ZNF790: variants seen among roughly 807,000 people sequenced by gnomAD.
The protein encoded by ZNF790 is zinc finger protein 790.
In ZNF790, 8 loss-of-function variants were observed where a neutral mutation model predicts 12.1. The ratio of observed to expected loss-of-function variants is 0.66; its 90% CI spans 0.39 to 1.19. The LOEUF (loss-of-function observed/expected upper bound fraction) is 1.19, where lower values mean the gene tolerates loss of function less well. Among genes scored for constraint, ZNF790 ranks in the 50% most tolerant of loss-of-function variants. The pLI is 0.01. For synonymous variants in ZNF790, 252 were observed against 244.3 expected, an observed-to-expected ratio of 1.03 and a Z score of -0.29; for missense variants, 707 against 752.2, an observed-to-expected ratio of 0.94 and a Z score of 0.70.
At chr19:36,823,904 A>G in intron 2 of ZNF790, 114 bp from the exon 3 acceptor site, 1 of 911,430 alleles carries the variant, frequency 1.1e-6, no homozygotes, top group African/African-American at 1.7e-5. Flanking sequence ...TGGGGCATAT[A>G]TTGGGCGAAA....
Position 36,819,476 on chromosome 19 carries a change from C to G in ZNF790, c.868G>C (p.Ala290Pro). Residue 290 changes from alanine (A) to proline (P), a missense_variant, in exon 5 of 5, where the codon GCC becomes CCC. By Grantham distance (27) the Ala-to-Pro change is conservative. Transcript: ENST00000356725. ...GTAAGATCTGAGCCACAACTAAAGG[C>G]CTTCCCACATTCCTTACATTCATAA... is the stretch of plus-strand genomic sequence containing the variant. ...KSYECKECGKAFSCGSDLTRH... is the reference protein window; with the variant it reads ...KSYECKECGKPFSCGSDLTRH... 1.9e-6 allele frequency: 3 copies of G among 1,609,632 alleles called. No homozygotes were observed. Among genetic ancestry groups the G allele is most frequent in the Middle Eastern group, 3.3e-4 (2 of 6,042 alleles).
chr19:36,818,449 A>C lies in ZNF790; in HGVS notation c.1895T>G (p.Phe632Cys), dbSNP rs1299675414. Residue 632 changes from phenylalanine to cysteine, a missense_variant, in exon 5 of 5, where the codon TTC (phenylalanine) becomes TGC (cysteine). Physicochemically the swap from Phe to Cys is radical, Grantham distance 205. Coordinates refer to ENST00000356725, the MANE Select transcript of ZNF790 (RefSeq NM_206894.4). ...TATAATATTTCACAAGAGTGAAATG[A>C]AGTGAGAGCTTGAAGAAAATGCTTT... The part of the protein sequence containing the change: ...FEKAFSSSSH[F>C]ISLL 6 of 1,552,928 alleles carry C rather than the reference A, an allele frequency of 3.9e-6. No individual in the cohort carries two copies. The African/African-American group carries it at 5.5e-5, about 14-fold the overall frequency.
chr19:36,819,828 A>G lies in ZNF790; in HGVS notation c.516T>C (p.Phe172=). 1 of 1,613,680 alleles carries G rather than the reference A, an allele frequency of 6.2e-7. No homozygotes were observed. The highest frequency in any genetic ancestry group is 8.5e-7 in the Non-Finnish European group (1 of 1,179,734). Residue 172 remains phenylalanine, a synonymous_variant, in exon 5 of 5, where the codon TTT becomes TTC. Transcript: ENST00000356725. ...RLNTGDKLNE[F]KELGKAFISG... is the part of the protein sequence containing the mutation. ...AAATAAAGGCTTTCCCCAGTTCTTT[A>G]AATTCATTCAGTTTGTCTCCTGTAT... is the stretch of plus-strand genomic sequence containing the variant.
At chr19:36,844,550 C>T (rs577223729) in intron 1 of ZNF790, among the ~76,000 whole-genome samples, 1 of 151,866 alleles carries the variant, frequency 6.6e-6, no homozygotes, top group Admixed American at 6.6e-5. Flanking sequence ...GGAGAAGAAC[C>T]CTATTTGAAG....
chr19:36,819,578 A>G lies in ZNF790; in HGVS notation c.766T>C (p.Cys256Arg). ...CTAAAGGCTTTCCCACAATCCTTAC[A>G]TTTAAAAGGTTTCTCACCGGTATGA... ...RIHTGEKPFK[C>R]KDCGKAFRFH... Residue 256 changes from cysteine (C) to arginine (R), a missense_variant, in exon 5 of 5, where the codon TGT becomes CGT. Physicochemically the swap from Cys to Arg is radical, Grantham distance 180. Coordinates refer to ENST00000356725, the MANE Select transcript of ZNF790 (RefSeq NM_206894.4). 1 of 1,611,044 alleles carries G rather than the reference A, an allele frequency of 6.2e-7. No homozygotes were observed. The highest frequency in any genetic ancestry group is 1.1e-5 in the South Asian group (1 of 90,954).
intron 1 of ZNF790, among the ~76,000 whole-genome samples, chr19:36,829,678 C>T (rs2071907168): frequency 1.3e-5 from 2 of 152,214 alleles, no homozygotes; most frequent in Non-Finnish European, 2.9e-5. Flanking sequence ...AGTGACTCTC[C>T]TGCCTCAGCC....
In ZNF790 at chr19:36,823,367, A is replaced by G. The variant is rs1174309104; in HGVS notation, c.147T>C (p.Tyr49=). The change falls in exon 4 of 5, where the codon TAT becomes TAC. Residue 49 remains tyrosine, a synonymous_variant. Transcript: ENST00000356725. ...SNMVSLGFCI[Y]QPEAFSLLEK... is the part of the protein sequence containing the mutation. ...CCAATAAAGAGAACGCTTCTGGCTG[A>G]TAAATGCAAAAACCTGCCCAGAAGA... 6.2e-7 allele frequency: 1 copy of G among 1,614,058 alleles called. No homozygotes were observed. Among genetic ancestry groups the G allele is most frequent in the South Asian group, 1.1e-5 (1 of 91,064 alleles).
intron 1 of ZNF790, among the ~76,000 whole-genome samples, chr19:36,826,283 C>A (rs1168559355): frequency 1.3e-5 from 2 of 151,874 alleles, no homozygotes; most frequent in Non-Finnish European, 2.9e-5. Flanking sequence ...GAAGCACGAA[C>A]TTTTATTAAA....
chr19:36,841,793 G>A (rs2072131506), upstream of ZNF790, among the ~76,000 whole-genome samples: 5 of 138,296 alleles, frequency 3.6e-5, no homozygotes, highest in Admixed American at 8.0e-5. Context: ...AAGTTGCAGT[G>A]AGCCGAGATC....
intron 1 of ZNF790, among the ~76,000 whole-genome samples, chr19:36,827,111 T>TACACAC (rs1163360749): frequency 3.1e-5 from 2 of 65,118 alleles, no homozygotes; most frequent in African/African-American, 5.4e-5. Context: ...TGTATATATA[T>TACACAC]ACACATACAC....
At position 36,825,559 on chromosome 19, in the gene ZNF790, A is replaced by T. The variant is rs1030050178; in HGVS notation, c.9+52T>A. 3 of 1,571,422 alleles carry T rather than the reference A, an allele frequency of 1.9e-6. No individual in the cohort carries two copies. The African/African-American group carries it at 4.1e-5, about 21-fold the overall frequency. On this transcript the variant is annotated intron_variant, in intron 2 of 4. Coordinates refer to ENST00000356725, the MANE Select transcript of ZNF790 (RefSeq NM_206894.4). Reference sequence around the variant, plus strand: ...AAGGATAAGCAATAAAAATATTCACATGATTTGATATAAATGGGTTATATT... The same window carrying T: ...AAGGATAAGCAATAAAAATATTCACTTGATTTGATATAAATGGGTTATATT...
rs1445300211 is a variant in ZNF790, at chr19:36,823,649, G to GAA, written c.133+16_133+17dup. Reference sequence around the variant, plus strand: ...AATACAGAAAGCAGGAATTTCTAAGGAAAATGCTGAATCTTACCCAGTGAG... The same window carrying GAA: ...AATACAGAAAGCAGGAATTTCTAAGGAAAAAATGCTGAATCTTACCCAGTGAG... On this transcript the variant is annotated intron_variant, in intron 3 of 4. Transcript: ENST00000356725. 6.3e-7 allele frequency: 1 copy of GAA among 1,596,584 alleles called. No homozygotes were observed. The highest frequency in any genetic ancestry group is 8.5e-7 in the Non-Finnish European group (1 of 1,176,168).
At chr19:36,839,410 G>GT (rs1037896338), upstream of ZNF790, among the ~76,000 whole-genome samples, 21 of 151,782 alleles carry the variant, frequency 1.4e-4, no homozygotes, top group African/African-American at 4.6e-4. Flanking sequence ...TTTGTTTGTT[G>GT]TTTTTTTTGA....
At chr19:36,827,369 G>A (rs2071849011) in intron 1 of ZNF790, among the ~76,000 whole-genome samples, 1 of 151,770 alleles carries the variant, frequency 6.6e-6, no homozygotes, top group Admixed American at 6.6e-5. Context: ...TGCAGTCTGG[G>A]AGCTTAGCTC....
chr19:36,846,517 C>G (rs570752618), intron 1 of ZNF790, among the ~76,000 whole-genome samples: 6 of 151,922 alleles, frequency 3.9e-5, no homozygotes, highest in Non-Finnish European at 7.4e-5. Context: ...TGAGCCGAGA[C>G]AGTGCCACTG....
chr19:36,835,782 C>T lies in ZNF790; in HGVS notation c.-74+2555G>A, dbSNP rs113765003. On this transcript the variant is annotated intron_variant, in intron 1 of 4. Transcript: ENST00000356725. ...TCTAGAGGCCACCAACATTCCTTGG[C>T]TTAAGGCCCACTTCCTCTATCTAGT... is the stretch of plus-strand genomic sequence containing the variant. 1.7e-3 allele frequency among the ~76,000 whole-genome samples: 263 copies of T among 151,222 alleles called. 2 individuals are homozygous for T. Among genetic ancestry groups the T allele is most frequent in the African/African-American group, 6.2e-3 (255 of 41,152 alleles).
At chr19:36,848,754 G>A (rs541915221) in intron 1 of ZNF790, among the ~76,000 whole-genome samples, 1 of 151,300 alleles carries the variant, frequency 6.6e-6, no homozygotes, top group East Asian at 1.9e-4. Flanking sequence ...ATGGGGGTTG[G>A]GGGGGTGGTG....
At chr19:36,839,732 T>A (rs117550984), upstream of ZNF790, among the ~76,000 whole-genome samples, 1,980 of 152,276 alleles carry the variant, frequency 0.013, 23 homozygotes, top group Non-Finnish European at 0.02. Flanking sequence ...CTCCAGCTGA[T>A]CTTTAGGGTA....
intron 1 of ZNF790, among the ~76,000 whole-genome samples, chr19:36,847,452 C>T (rs930314127): frequency 6.6e-5 from 10 of 152,156 alleles, no homozygotes; most frequent in African/African-American, 1.7e-4. Context: ...GAAACTTAAT[C>T]GCCAATGTGT....
Sources: allele counts gnomAD v4.1 joint callset (sites outside exome capture counted in the v4.1 genomes callset), GRCh38; gene constraint gnomAD v4.1.1; transcripts MANE v1.5; gene names NCBI Gene and HGNC (gene_info 2026-07-23, HGNC 2026-07-21).